CTDSPL: variants seen among roughly 807,000 people sequenced by gnomAD.
CTDSPL encodes the protein CTD small phosphatase like.
Under a neutral mutation model 30.5 loss-of-function variants are expected in CTDSPL, and 8 were observed. The ratio of observed to expected loss-of-function variants is 0.26; its 90% CI spans 0.15 to 0.47. CTDSPL has a LOEUF of 0.47. Among genes scored for constraint, CTDSPL ranks in the 20% least tolerant of loss-of-function variants. CTDSPL has a pLI of 0.99. For missense variants in CTDSPL, 248 were observed against 366.1 expected (o/e 0.68, Z 2.63); for synonymous variants, 110 against 137.9 (o/e 0.80, Z 1.42).
chr3:37,874,712 G>C lies in CTDSPL; in HGVS notation c.79+12434G>C, dbSNP rs572640833. ...GCCACTGCACTCTAGCCTGGCGACA[G>C]AGCGAGACTCTGTCTCAAAAAATAA... On this transcript the variant is annotated intron_variant, in intron 1 of 7. Coordinates refer to ENST00000273179, the MANE Select transcript of CTDSPL (RefSeq NM_001008392.2). Among the ~76,000 whole-genome samples, 7 of 152,142 alleles carry C rather than the reference G, an allele frequency of 4.6e-5. No individual in the cohort carries two copies. The South Asian group carries it at 1.5e-3, about 32-fold the overall frequency.
rs1699503343 is a variant in CTDSPL, at chr3:37,982,474, C to T, written c.*1607C>T. On this transcript the variant is annotated 3_prime_UTR_variant, in exon 8 of 8. Transcript: ENST00000273179. ...CCTTAGTCCTCTGTGGGTTGGTCTT[C>T]AGCCAGCATTCTGGTGGGAGTGACT... 2 of 453,072 alleles carry T rather than the reference C, an allele frequency of 4.4e-6. No homozygotes were observed. Among genetic ancestry groups the T allele is most frequent in the Non-Finnish European group, 8.9e-6 (2 of 224,508 alleles). 28.1% of individuals were successfully genotyped at this position (453,072 alleles called of 1,614,324 possible).
intron 1 of CTDSPL, among the ~76,000 whole-genome samples, chr3:37,894,604 G>C (rs879771452): frequency 2.0e-5 from 3 of 151,928 alleles, no homozygotes; most frequent in Non-Finnish European, 4.4e-5. Flanking sequence ...TCTTAAATCT[G>C]TAAATTTAAA....
intron 1 of CTDSPL, among the ~76,000 whole-genome samples, chr3:37,928,114 G>A (rs2125613821): frequency 6.6e-6 from 1 of 152,082 alleles, no homozygotes; most frequent in East Asian, 1.9e-4. Context: ...TTGTATGCAT[G>A]GACCACTTTT....
At chr3:37,890,178 C>T (rs1336364660) in intron 1 of CTDSPL, among the ~76,000 whole-genome samples, 1 of 152,180 alleles carries the variant, frequency 6.6e-6, no homozygotes, top group Non-Finnish European at 1.5e-5. Flanking sequence ...CGGATGCATG[C>T]ACACTCAACG....
intron 2 of CTDSPL, among the ~76,000 whole-genome samples, chr3:37,953,279 A>G (rs980203652): frequency 1.3e-5 from 2 of 152,196 alleles, no homozygotes; most frequent in African/African-American, 2.4e-5. Context: ...TCACGTGCCT[A>G]CGCCCCATCT....
chr3:37,969,269 G>A (rs569221865), intron 5 of CTDSPL: 5 of 438,096 alleles, frequency 1.1e-5, no homozygotes, highest in Admixed American at 5.1e-5. Context: ...ACCCATTCTT[G>A]CAGGAGCTCC....
At chr3:37,892,286 T>C (rs1433957823) in intron 1 of CTDSPL, among the ~76,000 whole-genome samples, 1 of 152,204 alleles carries the variant, frequency 6.6e-6, no homozygotes, top group Admixed American at 6.5e-5. Context: ...AATAAAATTG[T>C]TCTCACAGTG....
intron 3 of CTDSPL, among the ~76,000 whole-genome samples, chr3:37,961,928 T>G (rs1449987105): frequency 6.6e-6 from 1 of 152,144 alleles, no homozygotes; most frequent in Non-Finnish European, 1.5e-5. Flanking sequence ...GGACAGGAAA[T>G]TTCAGATTTA....
chr3:37,928,897 C>T lies in CTDSPL; in HGVS notation c.80-18160C>T, dbSNP rs1225270681. Among the ~76,000 whole-genome samples the T allele has an allele frequency of 8.5e-5, 13 of 152,182 alleles. No homozygotes were observed. In the East Asian group the frequency reaches 1.5e-3, roughly 18 times the overall value. On this transcript the variant is annotated intron_variant, in intron 1 of 7. Coordinates refer to ENST00000273179, the MANE Select transcript of CTDSPL (RefSeq NM_001008392.2). Reference sequence around the variant, plus strand: ...TTTTTCCCCTGTGTTTTCTTCTGGGCTTTTTATAGTTTCAGGTCTTATGCT... The same window carrying T: ...TTTTTCCCCTGTGTTTTCTTCTGGGTTTTTTATAGTTTCAGGTCTTATGCT...
chr3:37,866,848 A>G (rs1048872838), intron 1 of CTDSPL, among the ~76,000 whole-genome samples: 1 of 152,250 alleles, frequency 6.6e-6, no homozygotes, highest in African/African-American at 2.4e-5. Flanking sequence ...ATTATTTCAG[A>G]TGACAGAAGC....
At chr3:37,934,512 G>A (rs938138668) in intron 1 of CTDSPL, among the ~76,000 whole-genome samples, 2 of 152,112 alleles carry the variant, frequency 1.3e-5, no homozygotes, top group Non-Finnish European at 2.9e-5. Flanking sequence ...CCTTAGCCCC[G>A]TGATCCAGAA....
At chr3:37,966,932 G>A (rs1475062662) in intron 4 of CTDSPL, among the ~76,000 whole-genome samples, 1 of 152,178 alleles carries the variant, frequency 6.6e-6, no homozygotes, top group Non-Finnish European at 1.5e-5. Context: ...GTTCATTTAA[G>A]TAGTTTTGTA....
intron 1 of CTDSPL, among the ~76,000 whole-genome samples, chr3:37,914,414 G>C (rs993758327): frequency 6.6e-6 from 1 of 152,068 alleles, no homozygotes; most frequent in Non-Finnish European, 1.5e-5. Context: ...TCTTATCCTT[G>C]ATCTCAGCAG....
intron 1 of CTDSPL, among the ~76,000 whole-genome samples, chr3:37,886,175 CTT>C (rs1698260905): frequency 6.6e-6 from 1 of 152,184 alleles, no homozygotes; most frequent in Admixed American, 6.5e-5. Flanking sequence ...CAAAACATGA[CTT>C]TTCCTCAGTC....
intron 6 of CTDSPL, among the ~76,000 whole-genome samples, chr3:37,972,050 C>G (rs1464915349): frequency 6.6e-6 from 1 of 152,172 alleles, no homozygotes; most frequent in Non-Finnish European, 1.5e-5. Context: ...GTGGCTAGAT[C>G]ACATGAAATA....
At chr3:37,976,258 A>ACCT (rs1240773810) in intron 7 of CTDSPL, among the ~76,000 whole-genome samples, 1 of 151,946 alleles carries the variant, frequency 6.6e-6, no homozygotes, top group East Asian at 1.9e-4. Context: ...GCTGGCAGTA[A>ACCT]CCTCCTGGAG....
chr3:37,958,147 G>A (rs1449313160), intron 3 of CTDSPL, among the ~76,000 whole-genome samples: 1 of 152,176 alleles, frequency 6.6e-6, no homozygotes, highest in Admixed American at 6.5e-5. Context: ...TTTCACGTGT[G>A]CAGGTTGACT....
At chr3:37,885,471 G>A (rs779623328) in intron 1 of CTDSPL, among the ~76,000 whole-genome samples, 2 of 152,168 alleles carry the variant, frequency 1.3e-5, no homozygotes, top group Admixed American at 6.5e-5. Context: ...TTCAAGGATG[G>A]AAAGAAAGTT....
In CTDSPL at chr3:37,964,651, A is replaced by G. The variant is rs757663268; in HGVS notation, c.348A>G (p.Thr116=). ...GTGTGGTCATTGATTTAGATGAAAC[A>G]TTGGTGCACAGTTCGTTTAAGGTAA... ...KKCVVIDLDE[T]LVHSSFKPIS... is the part of the protein sequence containing the mutation. Residue 116 remains threonine (T), a synonymous_variant, in exon 4 of 8, where the codon ACA becomes ACG. Transcript: ENST00000273179. The G allele has an allele frequency of 3.7e-6, 6 of 1,613,286 alleles. No individual in the cohort carries two copies. Among genetic ancestry groups the G allele is most frequent in the East Asian group, 2.2e-5 (1 of 44,876 alleles).
Sources: allele counts gnomAD v4.1 joint callset (sites outside exome capture counted in the v4.1 genomes callset), GRCh38; gene constraint gnomAD v4.1.1; transcripts MANE v1.5; gene names NCBI Gene and HGNC (gene_info 2026-07-23, HGNC 2026-07-21).